TTLL7: variants seen among roughly 807,000 people sequenced by gnomAD.
The protein encoded by TTLL7 is tubulin polyglutamylase TTLL7.
TTLL7 carries 53 observed loss-of-function variants against 120.2 expected under a neutral mutation model. The observed-to-expected ratio is 0.44, with a 90% CI of 0.35 to 0.55. The LOEUF (loss-of-function observed/expected upper bound fraction) is 0.55. Ranked by LOEUF, TTLL7 falls within the 20% of genes least tolerant of loss-of-function variation. The probability of loss-of-function intolerance (pLI) is 0.00; values close to 1 mark genes in which losing one functional copy is unlikely to be tolerated. For missense variants in TTLL7, 803 were observed against 1,054.7 expected (o/e 0.76, Z 3.31); for synonymous variants, 353 against 351.7 (o/e 1.00, Z -0.04).
chr1:83,898,913 G>T (rs1048329749), intron 18 of TTLL7, among the ~76,000 whole-genome samples: 13 of 151,700 alleles, frequency 8.6e-5, no homozygotes, highest in African/African-American at 1.2e-4. Flanking sequence ...AAATCCCAAT[G>T]AGAATATGTT....
At chr1:83,940,958 T>C (rs542882632) in intron 7 of TTLL7, among the ~76,000 whole-genome samples, 45 of 152,252 alleles carry the variant, frequency 3.0e-4, no homozygotes, top group Non-Finnish European at 5.6e-4. Context: ...ATCTGGTTTC[T>C]AGGACTCACC....
At chr1:83,975,382 T>C (rs1651371588) in intron 1 of TTLL7, among the ~76,000 whole-genome samples, 1 of 152,146 alleles carries the variant, frequency 6.6e-6, no homozygotes, top group Non-Finnish European at 1.5e-5. Flanking sequence ...TGATTTCATT[T>C]ACTCCTCACA....
Position 83,933,563 on chromosome 1 carries a change from G to A in TTLL7, c.1047+45C>T, listed in dbSNP as rs777097419. 42 of 1,583,840 alleles carry A rather than the reference G, an allele frequency of 2.7e-5. No homozygotes were observed. In the Middle Eastern group the frequency reaches 5.2e-4, roughly 20 times the overall value. On this transcript the variant is annotated intron_variant, in intron 9 of 20. Coordinates refer to ENST00000260505, the MANE Select transcript of TTLL7 (RefSeq NM_024686.6). ...ATTTTTAAAGCATTTATTTTAATACGTAAGGACAGTGATAACTCTTCTTTT... is the reference window on the plus strand; with the variant it reads ...ATTTTTAAAGCATTTATTTTAATACATAAGGACAGTGATAACTCTTCTTTT...
At chr1:83,920,066 C>T (rs966579948) in intron 12 of TTLL7, among the ~76,000 whole-genome samples, 10 of 152,132 alleles carry the variant, frequency 6.6e-5, no homozygotes, top group Non-Finnish European at 1.3e-4. Context: ...TGAGTATTTG[C>T]TGACTGGGCA....
At chr1:83,923,438 T>A (rs1246518665) in intron 10 of TTLL7, among the ~76,000 whole-genome samples, 7 of 151,832 alleles carry the variant, frequency 4.6e-5, no homozygotes, top group Non-Finnish European at 8.8e-5. Flanking sequence ...GATGAGATGA[T>A]ATGATGAGTA....
At chr1:83,902,699 T>C (rs2100754607) in intron 18 of TTLL7, among the ~76,000 whole-genome samples, 2 of 152,004 alleles carry the variant, frequency 1.3e-5, no homozygotes, top group Non-Finnish European at 2.9e-5. Context: ...CTCGAGGTAG[T>C]TTCATCTAGT....
chr1:83,907,429 C>A, intron 16 of TTLL7, 27 bp downstream of exon 16: 1 of 1,606,992 alleles, frequency 6.2e-7, no homozygotes. Flanking sequence ...TCCCTGTAAT[C>A]TTGAAAGAGC....
At chr1:83,968,652 G>GT (rs1406934372) in intron 1 of TTLL7, among the ~76,000 whole-genome samples, 5 of 151,992 alleles carry the variant, frequency 3.3e-5, no homozygotes, top group Admixed American at 6.6e-5. Flanking sequence ...GGAAACTGAG[G>GT]TATCTTTCTC....
At position 83,995,052 on chromosome 1, in the gene TTLL7, A is replaced by G. The variant is rs191565095; in HGVS notation, c.-177+3879T>C. ...TCACTCTCACCAAGCCTGTTCTCCA[A>G]CTTAGTATCTTCTCTCCTCAGTAAC... is the stretch of plus-strand genomic sequence containing the variant. On this transcript the variant is annotated intron_variant, in intron 1 of 20. Transcript: ENST00000260505. Among the ~76,000 whole-genome samples the G allele has an allele frequency of 1.4e-4, 22 of 152,226 alleles. No homozygotes were observed. In the East Asian group the frequency reaches 4.1e-3, roughly 28 times the overall value.
intron 9 of TTLL7, among the ~76,000 whole-genome samples, chr1:83,930,262 C>T (rs1371029868): frequency 6.6e-6 from 1 of 152,044 alleles, no homozygotes; most frequent in African/African-American, 2.4e-5. Flanking sequence ...ACTAACCATA[C>T]TTTATTTTAC....
chr1:83,972,426 A>G (rs192367136), intron 1 of TTLL7, among the ~76,000 whole-genome samples: 71 of 152,126 alleles, frequency 4.7e-4, no homozygotes, highest in Admixed American at 5.9e-4. Flanking sequence ...ATGTCTTTCT[A>G]TGACTTAATA....
intron 1 of TTLL7, among the ~76,000 whole-genome samples, chr1:83,973,431 T>C (rs1035811573): frequency 1.3e-5 from 2 of 152,114 alleles, no homozygotes; most frequent in African/African-American, 4.8e-5. Flanking sequence ...GATCTATTTG[T>C]CTATTCTTTT....
chr1:83,916,303 A>G (rs1298455954), intron 14 of TTLL7, among the ~76,000 whole-genome samples: 1 of 152,196 alleles, frequency 6.6e-6, no homozygotes, highest in East Asian at 1.9e-4. Context: ...ATGGAATACT[A>G]TGCAGCCATA....
In TTLL7 at chr1:83,866,789, AAT is replaced by A. The variant is rs768740603; in HGVS notation, c.*3171_*3172del. On this transcript the variant is annotated 3_prime_UTR_variant, in exon 21 of 21. Coordinates refer to ENST00000260505, the MANE Select transcript of TTLL7 (RefSeq NM_024686.6). Reference sequence around the variant, plus strand: ...TAAAATTAATCAAAATATGAATAACAATAGTTTCTTCAATAGATTATATAGAG... The same window carrying A: ...TAAAATTAATCAAAATATGAATAACAAGTTTCTTCAATAGATTATATAGAG... The A allele has an allele frequency of 6.6e-5, 10 of 152,074 alleles. No individual in the cohort carries two copies. Among genetic ancestry groups the A allele is most frequent in the Non-Finnish European group, 1.3e-4 (9 of 67,822 alleles). The allele number at this position is 152,074 out of a possible 1,614,324, so 9.4% of individuals were successfully genotyped here.
At chr1:83,886,160 T>G (rs1186468694) in intron 19 of TTLL7, among the ~76,000 whole-genome samples, 1 of 152,054 alleles carries the variant, frequency 6.6e-6, no homozygotes, top group Non-Finnish European at 1.5e-5. Flanking sequence ...TCCAATAATT[T>G]TCACCCACTT....
chr1:83,933,644 A>C lies in TTLL7; in HGVS notation c.1011T>G (p.Ile337Met). 1 of 1,613,576 alleles carries C rather than the reference A, an allele frequency of 6.2e-7. No homozygotes were observed. The highest frequency in any genetic ancestry group is 8.5e-7 in the Non-Finnish European group (1 of 1,179,714). The change falls in exon 9 of 21, where the codon ATT becomes ATG. Residue 337 changes from isoleucine to methionine, a missense_variant. By Grantham distance (10) the Ile-to-Met change is conservative. Coordinates refer to ENST00000260505, the MANE Select transcript of TTLL7 (RefSeq NM_024686.6). ...ATGGCTTTAGTTTTCTATCCAACAA[A>C]ATATCAAATCCCAGGACTTCAAAGC... The part of the protein sequence containing the change: ...SVCFEVLGFD[I>M]LLDRKLKPWL...
At chr1:83,939,724 A>G (rs796756379) in intron 7 of TTLL7, among the ~76,000 whole-genome samples, 10 of 152,298 alleles carry the variant, frequency 6.6e-5, no homozygotes, top group Admixed American at 1.3e-4. Context: ...TTATATTTCA[A>G]TGTTTGAAAT....
chr1:83,974,016 A>C (rs1365483812), intron 1 of TTLL7, among the ~76,000 whole-genome samples: 2 of 151,956 alleles, frequency 1.3e-5, no homozygotes, highest in Admixed American at 6.6e-5. Context: ...TTTGCGGTTC[A>C]CTCTATATAT....
At chr1:83,946,749 T>C (rs554843901) in intron 6 of TTLL7, among the ~76,000 whole-genome samples, 1 of 152,348 alleles carries the variant, frequency 6.6e-6, no homozygotes, top group African/African-American at 2.4e-5. Context: ...AACTCCCTTT[T>C]CATTTCTTTC....
Sources: allele counts gnomAD v4.1 joint callset (sites outside exome capture counted in the v4.1 genomes callset), GRCh38; gene constraint gnomAD v4.1.1; transcripts MANE v1.5; gene names NCBI Gene and HGNC (gene_info 2026-07-23, HGNC 2026-07-21).